Variants in ARL8B observed in about 807,000 individuals in gnomAD.
ARL8B encodes ADP-ribosylation factor-like protein 8B.
A neutral mutation model predicts 30.6 loss-of-function variants in ARL8B; 9 were observed. The observed-to-expected ratio is 0.29, with a 90% CI of 0.18 to 0.51. ARL8B has a LOEUF of 0.51. Ranked by LOEUF, ARL8B falls within the 20% of genes least tolerant of loss-of-function variation. The pLI, the probability that ARL8B is intolerant of heterozygous loss-of-function variation, is 0.97. For synonymous variants in ARL8B, 74 were observed against 76.0 expected, an observed-to-expected ratio of 0.97 and a Z score of 0.14; for missense variants, 130 against 227.2, an observed-to-expected ratio of 0.57 and a Z score of 2.75.
intron 1 of ARL8B, among the ~76,000 whole-genome samples, chr3:5,129,726 A>G (rs755922134): frequency 1.3e-5 from 2 of 152,004 alleles, no homozygotes; most frequent in Non-Finnish European, 2.9e-5. Context: ...TTTTTAAACA[A>G]GATTTTTGCT....
At chr3:5,158,721 ACT>A (rs1410333735) in intron 1 of ARL8B, among the ~76,000 whole-genome samples, 3 of 152,040 alleles carry the variant, frequency 2.0e-5, no homozygotes, top group Admixed American at 6.6e-5. Context: ...AGCCACTGAA[ACT>A]CTTTATGTTA....
chr3:5,130,166 G>T (rs1463231091), intron 1 of ARL8B, among the ~76,000 whole-genome samples: 1 of 151,022 alleles, frequency 6.6e-6, no homozygotes, highest in Non-Finnish European at 1.5e-5. Context: ...ACCTGACCAA[G>T]GTCATATTCT....
chr3:5,151,082 CTTTG>C (rs749468651), intron 1 of ARL8B, among the ~76,000 whole-genome samples: 41 of 151,794 alleles, frequency 2.7e-4, no homozygotes, highest in Non-Finnish European at 4.9e-4. Flanking sequence ...ATTTATTTTC[CTTTG>C]TTTATCAATT....
At chr3:5,125,157 G>A (rs1027190519) in intron 1 of ARL8B, among the ~76,000 whole-genome samples, 1 of 152,152 alleles carries the variant, frequency 6.6e-6, no homozygotes, top group African/African-American at 2.4e-5. Context: ...CTATTAAATG[G>A]AGGTAATGAT....
Position 5,179,923 on chromosome 3 carries a change from A to G in ARL8B, c.*1210A>G, listed in dbSNP as rs2054763801. On this transcript the variant is annotated 3_prime_UTR_variant, in exon 7 of 7. Transcript: ENST00000256496. ...TTGCTTCTATGATACAGAGATGTCT[A>G]AAAACTTCAAATGGACATGTTTTGT... 1 of 152,656 alleles carries G rather than the reference A, an allele frequency of 6.6e-6. No homozygotes were observed. The highest frequency in any genetic ancestry group is 2.4e-5 in the African/African-American group (1 of 41,458). 9.5% of individuals were successfully genotyped at this position (152,656 alleles called of 1,614,324 possible).
At chr3:5,130,172 A>ATATATTTT (rs2054269700) in intron 1 of ARL8B, among the ~76,000 whole-genome samples, 2 of 148,020 alleles carry the variant, frequency 1.4e-5, no homozygotes, top group Admixed American at 1.4e-4. Context: ...CCAAGGTCAT[A>ATATATTTT]TTCTCTTAAA....
Position 5,178,731 on chromosome 3 carries a change from T to G in ARL8B, c.*18T>G, listed in dbSNP as rs758935284. 1 of 1,611,738 alleles carries G rather than the reference T, an allele frequency of 6.2e-7. No homozygotes were observed. Among genetic ancestry groups the G allele is most frequent in the Non-Finnish European group, 8.5e-7 (1 of 1,179,416 alleles). On this transcript the variant is annotated 3_prime_UTR_variant, in exon 7 of 7. Coordinates refer to ENST00000256496, the MANE Select transcript of ARL8B (RefSeq NM_018184.3). ...GAAGCTGAAGCATCTCCTGAAGTCT[T>G]CCAGTCCTTCTTGGCTATAATCCTA...
chr3:5,178,350 CTTTTTTTTTTT>C (rs376669879), intron 6 of ARL8B, among the ~76,000 whole-genome samples: 1 of 115,316 alleles, frequency 8.7e-6, no homozygotes, highest in Non-Finnish European at 1.8e-5. Flanking sequence ...GGGGTTATTC[CTTTTTTTTTTT>C]TTTTTTTTTT....
intron 1 of ARL8B, among the ~76,000 whole-genome samples, chr3:5,129,651 A>AT (rs2054264453): frequency 6.6e-6 from 1 of 151,828 alleles, no homozygotes; most frequent in East Asian, 1.9e-4. Context: ...GGCTCAAGAG[A>AT]TCCCCCCACC....
chr3:5,126,561 A>G (rs1432860171), intron 1 of ARL8B, among the ~76,000 whole-genome samples: 1 of 152,196 alleles, frequency 6.6e-6, no homozygotes, highest in Non-Finnish European at 1.5e-5. Context: ...CTGAATTACT[A>G]TTATATGTAG....
Position 5,178,786 on chromosome 3 carries a change from C to G in ARL8B, c.*73C>G. On this transcript the variant is annotated 3_prime_UTR_variant, in exon 7 of 7. Coordinates refer to ENST00000256496, the MANE Select transcript of ARL8B (RefSeq NM_018184.3). ...TATTGTCCGTTCCTCTGAAGTAATT[C>G]CCAGAATACGGTCCTTCCTAAACCC... is the stretch of plus-strand genomic sequence containing the variant. 6.2e-7 allele frequency: 1 copy of G among 1,605,252 alleles called. No homozygotes were observed. The highest frequency in any genetic ancestry group is 1.1e-5 in the South Asian group (1 of 90,562).
intron 1 of ARL8B, among the ~76,000 whole-genome samples, chr3:5,122,835 C>T (rs760678805): frequency 3.3e-5 from 5 of 152,110 alleles, no homozygotes; most frequent in African/African-American, 9.7e-5. Flanking sequence ...AGGGCTGTGT[C>T]CTCAACGCCG....
chr3:5,140,228 A>G (rs976655331), intron 1 of ARL8B, among the ~76,000 whole-genome samples: 4 of 152,146 alleles, frequency 2.6e-5, no homozygotes, highest in African/African-American at 9.7e-5. Flanking sequence ...TGTAGCTCCC[A>G]TAATTCCCAC....
intron 1 of ARL8B, among the ~76,000 whole-genome samples, chr3:5,132,229 G>C (rs1217083039): frequency 1.3e-5 from 2 of 151,864 alleles, no homozygotes; most frequent in Admixed American, 6.6e-5. Context: ...CCTAAGTTAG[G>C]ATTGATCATA....
intron 1 of ARL8B, among the ~76,000 whole-genome samples, chr3:5,136,932 T>G (rs1212691379): frequency 6.6e-6 from 1 of 152,214 alleles, no homozygotes; most frequent in Non-Finnish European, 1.5e-5. Flanking sequence ...CAAAATTATA[T>G]TTATCTGTGC....
intron 1 of ARL8B, among the ~76,000 whole-genome samples, chr3:5,149,766 C>T (rs910463525): frequency 1.3e-5 from 2 of 152,192 alleles, no homozygotes; most frequent in African/African-American, 2.4e-5. Context: ...GGCTGGCTGC[C>T]AGTCCTTAGG....
At chr3:5,148,460 TATCTTCCTCTAAC>T (rs1257714998) in intron 1 of ARL8B, among the ~76,000 whole-genome samples, 1 of 152,192 alleles carries the variant, frequency 6.6e-6, no homozygotes, top group Non-Finnish European at 1.5e-5. Flanking sequence ...TCTCCAGGTC[TATCTTCCTCTAAC>T]CCTCCTGCTG....
At chr3:5,133,845 G>A (rs11719986) in intron 1 of ARL8B, among the ~76,000 whole-genome samples, 58,830 of 152,002 alleles carry the variant, frequency 0.39, 12,117 homozygotes, top group African/African-American at 0.55. Flanking sequence ...GGCATAGGTG[G>A]TAAGGGGATG....
At chr3:5,142,708 C>G (rs1015750121) in intron 1 of ARL8B, among the ~76,000 whole-genome samples, 3 of 152,088 alleles carry the variant, frequency 2.0e-5, no homozygotes, top group Non-Finnish European at 2.9e-5. Context: ...TTATTAGGGT[C>G]TGGAGTTGGA....
Sources: allele counts gnomAD v4.1 joint callset (sites outside exome capture counted in the v4.1 genomes callset), GRCh38; gene constraint gnomAD v4.1.1; transcripts MANE v1.5; gene names NCBI Gene and HGNC (gene_info 2026-07-23, HGNC 2026-07-21).